TENM3: variants seen among roughly 807,000 people sequenced by gnomAD.
TENM3 encodes the protein teneurin transmembrane protein 3.
Under a neutral mutation model 255.1 loss-of-function variants are expected in TENM3, and 63 were observed. That is an observed-to-expected ratio of 0.25 (90% CI 0.20 to 0.30). TENM3 has a LOEUF of 0.30. Ranked by LOEUF, TENM3 falls within the 10% of genes least tolerant of loss-of-function variation. The pLI is 1.00. For missense variants in TENM3, 2,929 were observed against 3,461.1 expected (o/e 0.85, Z 3.86); for synonymous variants, 1,306 against 1,322.3 (o/e 0.99, Z 0.27).
At chr4:182,101,026 T>C in the TENM3 span, among the ~76,000 whole-genome samples, 2 of 102,806 alleles carry the variant, frequency 1.9e-5, no homozygotes, top group African/African-American at 3.8e-5. Context: ...GCCTAAGTGA[T>C]AGAGCGAGAC....
intron 1 of TENM3, among the ~76,000 whole-genome samples, chr4:182,199,366 G>A (rs1754035906): frequency 1.3e-5 from 2 of 152,138 alleles, no homozygotes; most frequent in South Asian, 4.2e-4. Flanking sequence ...AGGTTGCAGT[G>A]AGCCAAGATC....
chr4:181,717,102 A>G, the TENM3 span, among the ~76,000 whole-genome samples: 1 of 152,188 alleles, frequency 6.6e-6, no homozygotes, highest in Non-Finnish European at 1.5e-5. Context: ...ATTTGAATCT[A>G]GAAGTTGCCT....
chr4:182,280,720 G>A (rs1760325646), intron 1 of TENM3, among the ~76,000 whole-genome samples: 1 of 152,086 alleles, frequency 6.6e-6, no homozygotes, highest in Non-Finnish European at 1.5e-5. Context: ...CACAAACCTG[G>A]CGGGTCAATT....
At chr4:181,525,389 C>T in the TENM3 span, among the ~76,000 whole-genome samples, 3 of 111,604 alleles carry the variant, frequency 2.7e-5, no homozygotes, top group African/African-American at 6.8e-5. Context: ...AGAGCAAGAC[C>T]CTGTTTCAAA....
At chr4:181,572,614 A>T in the TENM3 span, among the ~76,000 whole-genome samples, 1 of 152,250 alleles carries the variant, frequency 6.6e-6, no homozygotes, top group Non-Finnish European at 1.5e-5. Flanking sequence ...TTGATGGAAC[A>T]AAGTATGTGT....
chr4:181,544,408 T>TAAAAA, the TENM3 span, among the ~76,000 whole-genome samples: 256 of 68,662 alleles, frequency 3.7e-3, 17 homozygotes, highest in East Asian at 0.037. Context: ...CCTTCAGGAT[T>TAAAAA]AAAAAAAAAA....
intron 7 of TENM3, among the ~76,000 whole-genome samples, chr4:182,674,499 G>A (rs1368391282): frequency 1.3e-5 from 2 of 151,744 alleles, no homozygotes; most frequent in Non-Finnish European, 2.9e-5. Context: ...CTTATGCATT[G>A]TATACTTCTT....
chr4:181,470,962 C>T, the TENM3 span, among the ~76,000 whole-genome samples: 1 of 139,962 alleles, frequency 7.1e-6, no homozygotes, highest in Non-Finnish European at 1.6e-5. Context: ...TCATTTATTG[C>T]ATAATTTGCT....
the TENM3 span, among the ~76,000 whole-genome samples, chr4:181,481,164 G>A: frequency 2.0e-5 from 3 of 147,586 alleles, no homozygotes; most frequent in Admixed American, 6.7e-5. Flanking sequence ...CTTTTTTTTT[G>A]AAAACTTTAT....
the TENM3 span, among the ~76,000 whole-genome samples, chr4:181,989,111 A>C: frequency 1.7e-4 from 26 of 152,220 alleles, no homozygotes; most frequent in Admixed American, 1.7e-3. Flanking sequence ...TTTAATTACT[A>C]TGTTGACTTG....
At chr4:182,665,115 C>T (rs1754555707) in intron 6 of TENM3, among the ~76,000 whole-genome samples, 1 of 152,126 alleles carries the variant, frequency 6.6e-6, no homozygotes, top group African/African-American at 2.4e-5. Context: ...GGCCTGGCTT[C>T]AAAGCTTCCA....
At chr4:182,079,433 G>A in the TENM3 span, among the ~76,000 whole-genome samples, 6 of 151,952 alleles carry the variant, frequency 3.9e-5, no homozygotes, top group South Asian at 2.1e-4. Flanking sequence ...AGAGAATGGC[G>A]TGAACCCAGG....
intron 1 of TENM3, among the ~76,000 whole-genome samples, chr4:182,287,611 G>GTTTATTTATTTATTTTTATT (rs142883355): frequency 0.22 from 33,608 of 150,896 alleles, 4,407 homozygotes; most frequent in African/African-American, 0.36. Context: ...TTCATTTATT[G>GTTTATTTATTTATTTTTATT]TTTATTTATT....
chr4:182,753,435 T>C lies in TENM3; in HGVS notation c.3863-15T>C, dbSNP rs1449474436. ...TTTTTGAAAAATTAGTAATACTTGC[T>C]TCTCTCAAATACAGGAATGGCAGTT... On this transcript the variant is annotated splice_polypyrimidine_tract_variant and intron_variant, in intron 20 of 27. Coordinates refer to ENST00000511685, the MANE Select transcript of TENM3 (RefSeq NM_001080477.4). The C allele has an allele frequency of 6.2e-7, 1 of 1,606,828 alleles. No individual in the cohort carries two copies. The highest frequency in any genetic ancestry group is 8.5e-7 in the Non-Finnish European group (1 of 1,175,246).
At chr4:182,555,243 T>G (rs1296058548) in intron 3 of TENM3, among the ~76,000 whole-genome samples, 1 of 152,176 alleles carries the variant, frequency 6.6e-6, no homozygotes, top group Admixed American at 6.5e-5. Flanking sequence ...AGGCATAAAT[T>G]TAACTGTGTG....
rs764170578 is a variant in TENM3, at chr4:182,754,339, T to C, written c.4018-46T>C. ...TAATTTACTCTTCTGGCGAATTAAC[T>C]GTAGTGCAGTAACTTACTAACCAGG... On this transcript the variant is annotated intron_variant, in intron 21 of 27. Coordinates refer to ENST00000511685, the MANE Select transcript of TENM3 (RefSeq NM_001080477.4). This position sits in a 1 kb window ranked among gnomAD's most constrained non-coding sequence, Gnocchi z 5.1. 6 of 1,502,224 alleles carry C rather than the reference T, an allele frequency of 4.0e-6. No homozygotes were observed. The highest frequency in any genetic ancestry group is 4.4e-5 in the Admixed American group (2 of 45,406). 93.1% of individuals were successfully genotyped at this position (1,502,224 alleles called of 1,614,324 possible).
chr4:182,680,808 AG>A lies in TENM3; in HGVS notation c.1834+72del, dbSNP rs1355746982. The A allele has an allele frequency of 7.3e-6, 9 of 1,230,952 alleles. No homozygotes were observed. In the East Asian group the frequency reaches 2.5e-4, roughly 34 times the overall value. The allele number at this position is 1,230,952 out of a possible 1,614,324, so 76.3% of individuals were successfully genotyped here. A position where few individuals can be genotyped will look rare whatever the true frequency, so the allele number is the denominator to read the frequency against. Reference sequence around the variant, plus strand: ...GAAACAGATTGTATCTGTAATCTTTAGTTGGGCAGATCTCTTTTATACGCTT... The same window carrying A: ...GAAACAGATTGTATCTGTAATCTTTATTGGGCAGATCTCTTTTATACGCTT... On this transcript the variant is annotated intron_variant, in intron 10 of 27. Coordinates refer to ENST00000511685, the MANE Select transcript of TENM3 (RefSeq NM_001080477.4).
chr4:181,646,600 A>C, the TENM3 span, among the ~76,000 whole-genome samples: 1 of 152,312 alleles, frequency 6.6e-6, no homozygotes, highest in South Asian at 2.1e-4. Flanking sequence ...ATTCTTCTAA[A>C]GACTCAAGGC....
chr4:181,932,066 A>T, the TENM3 span, among the ~76,000 whole-genome samples: 1 of 152,222 alleles, frequency 6.6e-6, no homozygotes, highest in Admixed American at 6.5e-5. Flanking sequence ...TCAAAACCCT[A>T]GAAGAAAAAC....
Sources: gnomAD v4.1 joint callset for allele counts (sites outside exome capture counted in the v4.1 genomes callset) on GRCh38, gnomAD v4.1.1 for gene constraint, Gnocchi (gnomAD v3.1) non-coding constraint, MANE v1.5 for transcripts, NCBI Gene and HGNC (gene_info 2026-07-23, HGNC 2026-07-21) for gene names.